The following CSMD3 variants were observed in gnomAD, a reference collection of about 807,000 sequenced individuals.
CSMD3 encodes CUB and sushi domain-containing protein 3.
CSMD3 carries 177 observed loss-of-function variants against 435.2 expected under a neutral mutation model. That is an observed-to-expected ratio of 0.41 (90% confidence interval 0.36 to 0.46). The LOEUF is 0.46. Among genes scored for constraint, CSMD3 ranks in the 20% least tolerant of loss-of-function variants. The probability of loss-of-function intolerance (pLI) is 0.34; values close to 1 mark genes in which losing one functional copy is unlikely to be tolerated. For synonymous variants in CSMD3, 1,656 were observed against 1,520.5 expected (o/e 1.09, Z -2.07); for missense variants, 4,265 against 4,504.6 (o/e 0.95, Z 1.52).
In CSMD3 at chr8:113,188,442, TG is replaced by T. The variant is rs373593242; in HGVS notation, c.515-14527del. 5.9e-4 allele frequency among the ~76,000 whole-genome samples: 89 copies of T among 152,068 alleles called. 1 individual carries two copies. The East Asian group carries it at 9.5e-3, about 16-fold the overall frequency. On this transcript the variant is annotated intron_variant, in intron 3 of 70. Transcript: ENST00000297405. ...AATCTCTTTGGAAACTCAATCCCCT[TG>T]GGGGAATAATTGAATTCTGGATTGA... is the stretch of plus-strand genomic sequence containing the variant.
intron 13 of CSMD3, among the ~76,000 whole-genome samples, chr8:112,772,784 C>T (rs886160648): frequency 6.6e-6 from 1 of 152,058 alleles, no homozygotes; most frequent in African/African-American, 2.4e-5. Context: ...ATGCTGGCAG[C>T]AATACTGCTC....
intron 34 of CSMD3, among the ~76,000 whole-genome samples, chr8:112,407,054 G>GT (rs549305152): frequency 1.3e-5 from 2 of 151,498 alleles, no homozygotes; most frequent in African/African-American, 4.8e-5. Flanking sequence ...AAAACTGAAA[G>GT]TTTTTTTTCT....
chr8:112,571,556 C>T (rs931128757), intron 24 of CSMD3, among the ~76,000 whole-genome samples: 20 of 151,670 alleles, frequency 1.3e-4, no homozygotes, highest in African/African-American at 3.4e-4. Flanking sequence ...TTCTGTGAAA[C>T]CCACAAATAT....
chr8:112,813,030 C>G (rs768829094), intron 12 of CSMD3, among the ~76,000 whole-genome samples: 13 of 152,164 alleles, frequency 8.5e-5, no homozygotes, highest in Admixed American at 4.6e-4. Flanking sequence ...AAAACGAGTT[C>G]TTGTCACACG....
chr8:113,208,153 CT>C (rs2092792275), intron 3 of CSMD3, among the ~76,000 whole-genome samples: 1 of 152,048 alleles, frequency 6.6e-6, no homozygotes, highest in South Asian at 2.1e-4. Flanking sequence ...TGAATGAAAC[CT>C]TACAGGAAAA....
Position 112,758,351 on chromosome 8 carries a change from C to CAA in CSMD3, c.1972+41809_1972+41810dup, listed in dbSNP as rs5894102. Among the ~76,000 whole-genome samples, 47 of 117,590 alleles carry CAA rather than the reference C, an allele frequency of 4.0e-4. 1 individual carries two copies. The highest frequency in any genetic ancestry group is 4.3e-3 in the Middle Eastern group (1 of 234). The allele number at this position is 117,590 out of a possible 152,430, so 77.1% of individuals were successfully genotyped here. ...TGGGTGACAAAGCGAGACTCCATTT[C>CAA]AAAAAAAAAAAATTTAAAAAAGGAA... On this transcript the variant is annotated intron_variant, in intron 13 of 70. Transcript: ENST00000297405.
chr8:113,414,712 G>A (rs1300191), intron 1 of CSMD3, among the ~76,000 whole-genome samples: 1 of 141,642 alleles, frequency 7.1e-6, no homozygotes, highest in Non-Finnish European at 1.5e-5. Flanking sequence ...TGTAATCCCA[G>A]AACTTTGGGA....
At chr8:113,203,359 G>T (rs2092734049) in intron 3 of CSMD3, among the ~76,000 whole-genome samples, 1 of 151,790 alleles carries the variant, frequency 6.6e-6, no homozygotes, top group Non-Finnish European at 1.5e-5. Flanking sequence ...GGAGTTCAAT[G>T]GTACAATCAT....
intron 11 of CSMD3, among the ~76,000 whole-genome samples, chr8:112,846,258 TC>T (rs1441581199): frequency 7.0e-6 from 1 of 142,944 alleles, no homozygotes; most frequent in African/African-American, 2.5e-5. Flanking sequence ...AAAGAAATAT[TC>T]TTTTTTCCCC....
At chr8:112,767,809 T>TTGAA (rs2132178880) in intron 13 of CSMD3, among the ~76,000 whole-genome samples, 1 of 151,928 alleles carries the variant, frequency 6.6e-6, no homozygotes, top group South Asian at 2.1e-4. Flanking sequence ...TTAACACCCA[T>TTGAA]TGAATGAAGC....
intron 1 of CSMD3, among the ~76,000 whole-genome samples, chr8:113,378,790 T>TGTGA (rs1206296218): frequency 1.3e-5 from 2 of 151,710 alleles, no homozygotes; most frequent in African/African-American, 2.4e-5. Context: ...TGTGTGTGTG[T>TGTGA]GATTAATACT....
intron 53 of CSMD3, among the ~76,000 whole-genome samples, chr8:112,298,312 T>C (rs1820540794): frequency 6.6e-6 from 1 of 152,068 alleles, no homozygotes. Context: ...ATACATGATT[T>C]CAATAATTAT....
intron 13 of CSMD3, among the ~76,000 whole-genome samples, chr8:112,729,399 G>A (rs577316164): frequency 5.3e-5 from 8 of 152,076 alleles, no homozygotes; most frequent in Non-Finnish European, 1.2e-4. Context: ...ATTATCAGCT[G>A]ATTTTGAGTG....
chr8:112,276,434 G>A (rs945133886), intron 59 of CSMD3, among the ~76,000 whole-genome samples: 2 of 152,210 alleles, frequency 1.3e-5, no homozygotes, highest in South Asian at 2.1e-4. Flanking sequence ...CCTCAGTGCA[G>A]ACTCTGTGTA....
At chr8:112,901,879 G>C (rs537374643) in intron 10 of CSMD3, among the ~76,000 whole-genome samples, 1 of 151,346 alleles carries the variant, frequency 6.6e-6, no homozygotes, top group African/African-American at 2.4e-5. Flanking sequence ...TTCGGGTAAA[G>C]TTCAAAATGG....
chr8:112,703,756 T>A lies in CSMD3; in HGVS notation c.1973-13706A>T, dbSNP rs552881638. Among the ~76,000 whole-genome samples the A allele has an allele frequency of 3.3e-5, 5 of 152,186 alleles. No individual in the cohort carries two copies. In the South Asian group the frequency reaches 1.0e-3, roughly 32 times the overall value. On this transcript the variant is annotated intron_variant, in intron 13 of 70. Coordinates refer to ENST00000297405, the MANE Select transcript of CSMD3 (RefSeq NM_198123.2). ...TTTACAAAGGTTGTGAAATATAGAA[T>A]CATGCAGCTAGAAAAGACCTTGTGA...
intron 27 of CSMD3, among the ~76,000 whole-genome samples, chr8:112,517,555 A>C (rs781385170): frequency 3.3e-5 from 5 of 151,950 alleles, no homozygotes; most frequent in Non-Finnish European, 7.4e-5. Flanking sequence ...TATATAAACA[A>C]CTCTCGAAAC....
At chr8:113,165,201 C>T (rs1185769683) in intron 4 of CSMD3, among the ~76,000 whole-genome samples, 3 of 152,116 alleles carry the variant, frequency 2.0e-5, no homozygotes, top group Non-Finnish European at 4.4e-5. Flanking sequence ...CCTATATAAT[C>T]ATATGAATGC....
intron 5 of CSMD3, among the ~76,000 whole-genome samples, chr8:113,029,079 G>A (rs548050045): frequency 6.6e-6 from 1 of 151,636 alleles, no homozygotes; most frequent in African/African-American, 2.4e-5. Flanking sequence ...TTAAGTTGAA[G>A]CTAATGCTCA....
Sources: gnomAD v4.1 joint callset for allele counts (sites outside exome capture counted in the v4.1 genomes callset) on GRCh38, gnomAD v4.1.1 for gene constraint, MANE v1.5 for transcripts, NCBI Gene and HGNC (gene_info 2026-07-23, HGNC 2026-07-21) for gene names.